Variants in CLPB observed in about 807,000 individuals in gnomAD.
CLPB encodes the protein ClpB family mitochondrial disaggregase, also known as mitochondrial disaggregase.
Under a neutral mutation model 78.4 loss-of-function variants are expected in CLPB, and 40 were observed. The observed-to-expected ratio is 0.51, with a 90% CI of 0.40 to 0.66. CLPB has a LOEUF of 0.66. Among genes scored for constraint, CLPB ranks in the 30% least tolerant of loss-of-function variants. CLPB has a pLI of 0.00. For missense variants in CLPB, 780 were observed against 886.9 expected (o/e 0.88, Z 1.53); for synonymous variants, 333 against 348.0 (o/e 0.96, Z 0.48).
chr11:72,394,873 C>T (rs1855359727), intron 3 of CLPB, among the ~76,000 whole-genome samples: 2 of 152,168 alleles, frequency 1.3e-5, no homozygotes, highest in South Asian at 4.1e-4. Context: ...CTGTCCTGCA[C>T]TGGGCAGGTG....
intron 6 of CLPB, among the ~76,000 whole-genome samples, chr11:72,323,658 C>A (rs1213335150): frequency 6.6e-6 from 1 of 151,164 alleles, no homozygotes; most frequent in Non-Finnish European, 1.5e-5. Flanking sequence ...TTTTTGATTT[C>A]CACATCATAA....
chr11:72,402,927 T>A, intron 3 of CLPB, 39 bp downstream of exon 3: 1 of 1,564,926 alleles, frequency 6.4e-7, no homozygotes, highest in Non-Finnish European at 8.8e-7. Flanking sequence ...TCTGCAGAGA[T>A]CTGCCTAAAG....
At chr11:72,346,506 G>T (rs2135580460) in intron 5 of CLPB, among the ~76,000 whole-genome samples, 1 of 151,584 alleles carries the variant, frequency 6.6e-6, no homozygotes, top group East Asian at 1.9e-4. Flanking sequence ...AGAAATAGCT[G>T]ATTTCAGGGC....
chr11:72,328,677 G>A (rs912786763), intron 6 of CLPB, among the ~76,000 whole-genome samples: 1 of 152,202 alleles, frequency 6.6e-6, no homozygotes, highest in South Asian at 2.1e-4. Context: ...CATGAGGCTG[G>A]AAAGGGCACA....
Position 72,301,856 on chromosome 11 carries a change from C to A in CLPB, c.1276G>T (p.Val426Leu). 6.2e-7 allele frequency: 1 copy of A among 1,614,206 alleles called. No homozygotes were observed. Among genetic ancestry groups the A allele is most frequent in the South Asian group, 1.1e-5 (1 of 91,084 alleles). The stretch of plus-strand genomic sequence containing the variant: ...AGCACATCTGGATGGGCCTTGTCTA[C>A]TTCATCAAAGAGCACCACAGCATTG... Reference protein sequence around the residue: ...CPNAVVLFDEVDKAHPDVLTI... With the variant: ...CPNAVVLFDELDKAHPDVLTI... The change falls in exon 11 of 16, where the codon GTA becomes TTA. Residue 426 changes from valine to leucine, a missense_variant. By Grantham distance (32) the Val-to-Leu change is conservative. Around this residue, in one of 3 missense-constraint regions of CLPB, gnomAD observed 91 missense variants for 168.2 expected, o/e 0.54. Transcript: ENST00000538039.
At chr11:72,395,640 C>T (rs1317712267) in intron 3 of CLPB, among the ~76,000 whole-genome samples, 1 of 152,236 alleles carries the variant, frequency 6.6e-6, no homozygotes, top group East Asian at 1.9e-4. Flanking sequence ...CAGGAGATCA[C>T]ACAGCACAAA....
At chr11:72,309,287 C>T (rs530546603) in intron 7 of CLPB, among the ~76,000 whole-genome samples, 89 of 152,198 alleles carry the variant, frequency 5.8e-4, no homozygotes, top group Admixed American at 2.2e-3. Flanking sequence ...CTTGGAGGCT[C>T]AACTCTGCTA....
intron 3 of CLPB, among the ~76,000 whole-genome samples, chr11:72,383,260 C>T (rs1238404784): frequency 4.6e-5 from 7 of 151,948 alleles, no homozygotes; most frequent in East Asian, 3.9e-4. Context: ...TGCGGTGGCT[C>T]GCACCTGTAA....
At chr11:72,364,514 T>A (rs1000875311) in intron 4 of CLPB, among the ~76,000 whole-genome samples, 5 of 151,316 alleles carry the variant, frequency 3.3e-5, no homozygotes, top group African/African-American at 1.2e-4. Context: ...GCCAAAAAAT[T>A]TTTTTTTATT....
At chr11:72,405,112 G>C (rs1214411050) in intron 2 of CLPB, among the ~76,000 whole-genome samples, 2 of 152,180 alleles carry the variant, frequency 1.3e-5, no homozygotes, top group African/African-American at 2.4e-5. Flanking sequence ...AAAATCAGAG[G>C]CTTCTGACGG....
chr11:72,405,770 T>C lies in CLPB; in HGVS notation c.456-2718A>G, dbSNP rs143734014. 9.4e-3 allele frequency among the ~76,000 whole-genome samples: 1,434 copies of C among 151,948 alleles called. 22 individuals are homozygous for C. The highest frequency in any genetic ancestry group is 0.033 in the African/African-American group (1,379 of 41,402). On this transcript the variant is annotated intron_variant, in intron 2 of 15. Transcript: ENST00000538039. ...GGTGAAACCGCATCTCTACTAAAAA[T>C]ACAAAAAATTAGCCGGGCGTGGTGG...
At chr11:72,305,458 A>G (rs1949730517) in intron 9 of CLPB, among the ~76,000 whole-genome samples, 2 of 152,376 alleles carry the variant, frequency 1.3e-5, no homozygotes, top group South Asian at 4.1e-4. Context: ...AGTGATGAGC[A>G]CACAGCATCG....
chr11:72,335,025 C>A (rs1455220443), intron 5 of CLPB, among the ~76,000 whole-genome samples: 1 of 152,164 alleles, frequency 6.6e-6, no homozygotes, highest in Non-Finnish European at 1.5e-5. Flanking sequence ...GAGTGACAGG[C>A]CTCAATTTTT....
At chr11:72,424,017 G>A (rs142241719) in intron 2 of CLPB, among the ~76,000 whole-genome samples, 2 of 152,346 alleles carry the variant, frequency 1.3e-5, no homozygotes, top group East Asian at 3.9e-4. Flanking sequence ...CTCTAGAACT[G>A]AGAGGAATAC....
chr11:72,385,625 C>A (rs1855051583), intron 3 of CLPB, among the ~76,000 whole-genome samples: 1 of 152,140 alleles, frequency 6.6e-6, no homozygotes, highest in Admixed American at 6.5e-5. Flanking sequence ...GAGTTCGAGA[C>A]CAGCCTGGCC....
At chr11:72,383,061 T>C (rs921820282) in intron 3 of CLPB, among the ~76,000 whole-genome samples, 7 of 150,914 alleles carry the variant, frequency 4.6e-5, no homozygotes, top group African/African-American at 1.2e-4. Context: ...AAAAATACAA[T>C]GAATCCAATG....
At position 72,288,523 on chromosome 11, in the gene CLPB, C is replaced by T. The variant is rs72968892; in HGVS notation, c.*4844G>A. 9.1e-4 allele frequency: 138 copies of T among 152,386 alleles called. 1 individual carries two copies. Among genetic ancestry groups the T allele is most frequent in the Middle Eastern group, 3.4e-3 (1 of 296 alleles). 9.4% of individuals were successfully genotyped at this position (152,386 alleles called of 1,614,324 possible). ...AACAAAACAAAAGAAATCTGGGTCT[C>T]ACCTTGCTGCATTGTCTCAGAGCTC... On this transcript the variant is annotated 3_prime_UTR_variant, in exon 16 of 16. Transcript: ENST00000538039.
intron 5 of CLPB, among the ~76,000 whole-genome samples, chr11:72,344,110 G>A (rs1810148288): frequency 6.6e-6 from 1 of 152,178 alleles, no homozygotes; most frequent in South Asian, 2.1e-4. Flanking sequence ...GGCTATGAAT[G>A]TCATTACCAC....
At chr11:72,345,196 C>T (rs1950490469) in intron 5 of CLPB, among the ~76,000 whole-genome samples, 1 of 152,176 alleles carries the variant, frequency 6.6e-6, no homozygotes, top group African/African-American at 2.4e-5. Flanking sequence ...ACTGTAAAGG[C>T]ATACCTCCAA....
Sources: allele counts gnomAD v4.1 joint callset (sites outside exome capture counted in the v4.1 genomes callset), GRCh38; gene constraint gnomAD v4.1.1; regional missense constraint gnomAD v4.1.1; transcripts MANE v1.5; gene names NCBI Gene and HGNC (gene_info 2026-07-23, HGNC 2026-07-21).